The following PTPRM variants were observed in gnomAD, a reference collection of about 807,000 sequenced individuals.
The protein encoded by PTPRM is receptor-type tyrosine-protein phosphatase mu.
Under a neutral mutation model 186.7 loss-of-function variants are expected in PTPRM, and 47 were observed. The ratio of observed to expected loss-of-function variants is 0.25; its 90% CI spans 0.20 to 0.32. The LOEUF is 0.32. Among genes scored for constraint, PTPRM ranks in the 10% least tolerant of loss-of-function variants. PTPRM has a pLI of 1.00. For synonymous variants in PTPRM, 668 were observed against 674.9 expected (o/e 0.99, Z 0.16); for missense variants, 1,494 against 1,865.0 (o/e 0.80, Z 3.66).
intron 14 of PTPRM, among the ~76,000 whole-genome samples, chr18:8,195,842 A>AT (rs1434785540): frequency 1.3e-5 from 2 of 152,236 alleles, no homozygotes; most frequent in African/African-American, 4.8e-5. Flanking sequence ...ACCGCTATGC[A>AT]GTATACCCAT....
chr18:7,664,584 G>A (rs2039055237), intron 1 of PTPRM, among the ~76,000 whole-genome samples: 1 of 152,106 alleles, frequency 6.6e-6, no homozygotes, highest in Non-Finnish European at 1.5e-5. Flanking sequence ...CTCCATATGG[G>A]CCTCTTCATG....
chr18:7,901,367 GT>G (rs568860986), intron 3 of PTPRM, among the ~76,000 whole-genome samples: 6 of 149,564 alleles, frequency 4.0e-5, no homozygotes, highest in South Asian at 2.1e-4. Context: ...TGAGCTGCAT[GT>G]TTTTTTTTTC....
At chr18:8,231,218 G>A (rs78210592) in intron 14 of PTPRM, among the ~76,000 whole-genome samples, 28 of 152,242 alleles carry the variant, frequency 1.8e-4, no homozygotes, top group African/African-American at 6.3e-4. Flanking sequence ...TATCACAGAG[G>A]GTGGGGGTAA....
At chr18:7,579,099 A>G (rs2036776895) in intron 1 of PTPRM, among the ~76,000 whole-genome samples, 1 of 152,224 alleles carries the variant, frequency 6.6e-6, no homozygotes, top group African/African-American at 2.4e-5. Context: ...TAGATTTTAT[A>G]AACAGGGCCA....
chr18:8,109,017 CT>C (rs1317640999), intron 11 of PTPRM, among the ~76,000 whole-genome samples: 7 of 152,142 alleles, frequency 4.6e-5, no homozygotes, highest in African/African-American at 1.7e-4. Flanking sequence ...CAGAAATTTG[CT>C]TTTTAAAACT....
Position 7,732,780 on chromosome 18 carries a change from C to T in PTPRM, c.74-41369C>T, listed in dbSNP as rs9958957. Among the ~76,000 whole-genome samples the T allele has an allele frequency of 8.1e-3, 1,227 of 152,252 alleles. 17 individuals carry two copies. The highest frequency in any genetic ancestry group is 0.028 in the African/African-American group (1,181 of 41,556). On this transcript the variant is annotated intron_variant, in intron 1 of 32. Transcript: ENST00000580170. ...TTGGCTTCCAAAAACGCTGAGATTT[C>T]AGGTGTGAGCCACTGTGCCTGGCCT...
chr18:7,778,440 G>A (rs2042694761), intron 2 of PTPRM, among the ~76,000 whole-genome samples: 1 of 151,890 alleles, frequency 6.6e-6, no homozygotes, highest in Non-Finnish European at 1.5e-5. Flanking sequence ...TTCTCTAGTA[G>A]CAATGGGGAA....
intron 1 of PTPRM, among the ~76,000 whole-genome samples, chr18:7,708,732 T>G (rs1163592461): frequency 5.3e-5 from 8 of 152,096 alleles, no homozygotes; most frequent in Non-Finnish European, 1.0e-4. Context: ...CACAGTTCAT[T>G]TTTTTTATTT....
intron 1 of PTPRM, among the ~76,000 whole-genome samples, chr18:7,667,359 T>G (rs1199724035): frequency 6.6e-6 from 1 of 152,212 alleles, no homozygotes; most frequent in Non-Finnish European, 1.5e-5. Flanking sequence ...CAGCAGCTTC[T>G]TATTACAACA....
At chr18:7,683,766 G>C (rs1439845372) in intron 1 of PTPRM, among the ~76,000 whole-genome samples, 1 of 152,184 alleles carries the variant, frequency 6.6e-6, no homozygotes, top group Non-Finnish European at 1.5e-5. Flanking sequence ...CTGCAAGGCT[G>C]AAGTGAGCGG....
chr18:8,006,611 G>A (rs1779055878), intron 7 of PTPRM, among the ~76,000 whole-genome samples: 1 of 152,130 alleles, frequency 6.6e-6, no homozygotes, highest in South Asian at 2.1e-4. Context: ...AGGAAACCAT[G>A]GGTAGAACTG....
intron 14 of PTPRM, among the ~76,000 whole-genome samples, chr18:8,219,741 A>G (rs1303290008): frequency 6.6e-6 from 1 of 152,218 alleles, no homozygotes; most frequent in Non-Finnish European, 1.5e-5. Flanking sequence ...AACTTGGTCT[A>G]AAAACTTGGA....
intron 1 of PTPRM, among the ~76,000 whole-genome samples, chr18:7,757,613 C>T (rs971623062): frequency 2.6e-5 from 4 of 152,164 alleles, no homozygotes; most frequent in African/African-American, 9.7e-5. Flanking sequence ...AAAACACACA[C>T]ACCATGTGGG....
chr18:7,977,097 G>A (rs1293310085), intron 7 of PTPRM, among the ~76,000 whole-genome samples: 2 of 151,872 alleles, frequency 1.3e-5, no homozygotes, highest in African/African-American at 2.4e-5. Context: ...TTTTTGTTTT[G>A]TTTTGTTTTG....
chr18:7,853,312 T>G (rs1567918324), intron 2 of PTPRM, among the ~76,000 whole-genome samples: 2 of 152,216 alleles, frequency 1.3e-5, no homozygotes, highest in African/African-American at 4.8e-5. Flanking sequence ...GTTGAGGAAG[T>G]GTAAATGTAG....
intron 14 of PTPRM, among the ~76,000 whole-genome samples, chr18:8,207,311 C>G (rs992581323): frequency 5.3e-5 from 8 of 152,180 alleles, no homozygotes; most frequent in Non-Finnish European, 1.2e-4. Context: ...GCTTGCACCA[C>G]TACTCAAACA....
At chr18:8,180,841 G>T (rs907642338) in intron 14 of PTPRM, among the ~76,000 whole-genome samples, 31 of 152,180 alleles carry the variant, frequency 2.0e-4, no homozygotes, top group Admixed American at 1.9e-3. Context: ...CTGGGAGACT[G>T]CCATTCCCAT....
chr18:8,126,025 A>ATTTTTTTTT lies in PTPRM; in HGVS notation c.2167+11199_2167+11200insTTTTTTTTT, dbSNP rs1215694977. On this transcript the variant is annotated intron_variant, in intron 13 of 32. Transcript: ENST00000580170. Reference sequence around the variant, plus strand: ...TATATATATATATATATATATATATATATTTTAAATCAGTAGACCTTTCCA... The same window carrying ATTTTTTTTT: ...TATATATATATATATATATATATATATTTTTTTTTTATTTTAAATCAGTAGACCTTTCCA... Among the ~76,000 whole-genome samples the ATTTTTTTTT allele has an allele frequency of 4.0e-3, 230 of 57,212 alleles. 14 individuals carry two copies. The highest frequency in any genetic ancestry group is 0.013 in the Middle Eastern group (1 of 76). 37.5% of individuals were successfully genotyped at this position (57,212 alleles called of 152,430 possible). A position where few individuals can be genotyped will look rare whatever the true frequency, so the allele number is the denominator to read the frequency against.
At chr18:7,637,496 C>T (rs906089250) in intron 1 of PTPRM, among the ~76,000 whole-genome samples, 3 of 152,168 alleles carry the variant, frequency 2.0e-5, no homozygotes, top group Non-Finnish European at 4.4e-5. Flanking sequence ...TTGGGGCCAC[C>T]TCATTCATTT....
Sources: gnomAD v4.1 joint callset for allele counts (sites outside exome capture counted in the v4.1 genomes callset) on GRCh38, gnomAD v4.1.1 for gene constraint, MANE v1.5 for transcripts, NCBI Gene and HGNC (gene_info 2026-07-23, HGNC 2026-07-21) for gene names.